Variants in ZNF746 observed in about 807,000 individuals in gnomAD.
ZNF746 encodes zinc finger protein 746.
ZNF746 carries 13 observed loss-of-function variants against 41.0 expected under a neutral mutation model. The observed-to-expected ratio is 0.32, with a 90% confidence interval of 0.21 to 0.50. The LOEUF (loss-of-function observed/expected upper bound fraction) is 0.50. Ranked by LOEUF, ZNF746 falls within the 20% of genes least tolerant of loss-of-function variation. The pLI is 0.98. For missense variants in ZNF746, 811 were observed against 922.9 expected, an observed-to-expected ratio of 0.88 and a Z score of 1.57; for synonymous variants, 424 against 396.2, an observed-to-expected ratio of 1.07 and a Z score of -0.83.
In ZNF746 at chr7:149,475,086, G is replaced by A. The variant is rs147219120; in HGVS notation, c.1281C>T (p.Ile427=). The change falls in exon 7 of 7, where the codon ATC becomes ATT. Residue 427 remains isoleucine (I), a synonymous_variant. Coordinates refer to ENST00000458143, the MANE Select transcript of ZNF746 (RefSeq NM_001394198.1). ...PYSSPDNGEA[I]LDPSQAPRPF... ...GCCTTGGGGCCTGGCTGGGGTCCAA[G>A]ATGGCCTCTCCGTTGTCCGGGGAGG... The A allele has an allele frequency of 1.9e-4, 302 of 1,602,438 alleles. No individual in the cohort carries two copies. In the East Asian group the frequency reaches 6.6e-3, roughly 35 times the overall value.
At chr7:149,496,004 T>C (rs1308422500) in intron 1 of ZNF746, among the ~76,000 whole-genome samples, 2 of 152,122 alleles carry the variant, frequency 1.3e-5, no homozygotes, top group Admixed American at 1.3e-4. Context: ...CTAAGGCCAC[T>C]GTTCCTTCCC....
At position 149,474,017 on chromosome 7, in the gene ZNF746, G is replaced by T. The variant is rs1324377303; in HGVS notation, c.*367C>A. On this transcript the variant is annotated 3_prime_UTR_variant, in exon 7 of 7. Coordinates refer to ENST00000458143, the MANE Select transcript of ZNF746 (RefSeq NM_001394198.1). The surrounding 1 kb of genome is among the most constrained non-coding windows in gnomAD (Gnocchi z 6.3). ...ACCTTCCAACACACTATCAGACTCA[G>T]TGAGATAGTGACAGAAATGCACGCC... The T allele has an allele frequency of 6.3e-6, 2 of 317,728 alleles. No homozygotes were observed. The highest frequency in any genetic ancestry group is 4.4e-5 in the African/African-American group (2 of 45,074). 19.7% of individuals were successfully genotyped at this position (317,728 alleles called of 1,614,324 possible).
chr7:149,477,535 T>C lies in ZNF746; in HGVS notation c.757+29A>G, dbSNP rs373022371. ...TCCCTCCTGTGATCCCTGCAACTTG[T>C]TCCTTATGTCCCCGTCTCAGCCACT... On this transcript the variant is annotated intron_variant, in intron 5 of 6. Transcript: ENST00000458143. The C allele has an allele frequency of 7.0e-6, 11 of 1,569,640 alleles. No homozygotes were observed. In the African/African-American group the frequency reaches 1.5e-4, roughly 21 times the overall value.
chr7:149,494,419 C>T lies in ZNF746; in HGVS notation c.109G>A (p.Gly37Ser). ...SQAARLLSLE[G>S]RTGMAEKKLA... ...TTCTTCTCGGCCATCCCGGTTCGAC[C>T]TTCTAGGGAAAGCAGGCGAGCAGCC... The change falls in exon 2 of 7, where the codon GGT becomes AGT. Residue 37 changes from glycine (G) to serine (S), a missense_variant. By Grantham distance (56) the Gly-to-Ser change is moderately conservative. Around this residue, in one of 4 missense-constraint regions of ZNF746, gnomAD observed 147 missense variants for 233.4 expected, o/e 0.63. Coordinates refer to ENST00000458143, the MANE Select transcript of ZNF746 (RefSeq NM_001394198.1). The surrounding 1 kb of genome is among the most constrained non-coding windows in gnomAD (Gnocchi z 5.6). 4.3e-6 allele frequency: 7 copies of T among 1,614,012 alleles called. No homozygotes were observed. Among genetic ancestry groups the T allele is most frequent in the Non-Finnish European group, 5.9e-6 (7 of 1,179,886 alleles).
chr7:149,486,897 T>C (rs1307137462), intron 4 of ZNF746, among the ~76,000 whole-genome samples: 2 of 152,226 alleles, frequency 1.3e-5, no homozygotes, highest in Non-Finnish European at 2.9e-5. Context: ...TGTATTTTGT[T>C]TGTTATGTAT....
intron 3 of ZNF746, among the ~76,000 whole-genome samples, chr7:149,493,738 C>G (rs1004990138): frequency 1.3e-5 from 2 of 152,170 alleles, no homozygotes; most frequent in African/African-American, 4.8e-5. Flanking sequence ...CAGAAAGGTC[C>G]ACATCCCGGG....
chr7:149,495,774 C>G (rs1800976585), intron 1 of ZNF746, among the ~76,000 whole-genome samples: 1 of 152,202 alleles, frequency 6.6e-6, no homozygotes, highest in Non-Finnish European at 1.5e-5. Context: ...GAGAAACAAA[C>G]TTGTCTAGGA....
chr7:149,475,357 G>T lies in ZNF746; in HGVS notation c.1010C>A (p.Pro337His), dbSNP rs773555403. The T allele has an allele frequency of 1.4e-5, 22 of 1,614,182 alleles. No individual in the cohort carries two copies. The highest frequency in any genetic ancestry group is 4.5e-5 in the East Asian group (2 of 44,868). The change falls in exon 7 of 7, where the codon CCT (proline) becomes CAT (histidine). Residue 337 changes from proline (P) to histidine (H), a missense_variant. By Grantham distance (77) the Pro-to-His change is moderately conservative. Around this residue, in one of 4 missense-constraint regions of ZNF746, gnomAD observed 495 missense variants for 481.6 expected, o/e 1.03. Transcript: ENST00000458143. ...FGPGQATRFF[P>H]SPAQEGAWES... ...CCAGGCTCCTTCCTGGGCAGGACTA[G>T]GGAAGAACCGTGTGGCTTGGCCTGG...
intron 4 of ZNF746, among the ~76,000 whole-genome samples, chr7:149,482,082 T>C (rs1459218341): frequency 6.6e-6 from 1 of 152,278 alleles, no homozygotes; most frequent in African/African-American, 2.4e-5. Context: ...ATTTTATACA[T>C]GCATATTTTG....
rs1454448514 is a variant in ZNF746, at chr7:149,492,849, C to T, written c.565+10G>A. On this transcript the variant is annotated intron_variant, in intron 4 of 6. Transcript: ENST00000458143. ...ACCTGATGCCTCCCTGGCCTTCTCCCAGCCCTTACCTGGACTGGGGTCCAC... is the reference window on the plus strand; with the variant it reads ...ACCTGATGCCTCCCTGGCCTTCTCCTAGCCCTTACCTGGACTGGGGTCCAC... 8 of 1,607,572 alleles carry T rather than the reference C, an allele frequency of 5.0e-6. No individual in the cohort carries two copies. Among genetic ancestry groups the T allele is most frequent in the African/African-American group, 4.0e-5 (3 of 74,934 alleles).
chr7:149,476,413 T>C (rs1800304949), intron 6 of ZNF746, among the ~76,000 whole-genome samples: 1 of 151,676 alleles, frequency 6.6e-6, no homozygotes, highest in Non-Finnish European at 1.5e-5. Flanking sequence ...GGATCTTGGC[T>C]ATTAGCACGT....
chr7:149,475,138 C>A lies in ZNF746; in HGVS notation c.1229G>T (p.Arg410Met). The change falls in exon 7 of 7, where the codon AGG (arginine) becomes ATG (methionine). Residue 410 changes from arginine (R) to methionine (M), a missense_variant. By Grantham distance (91) the Arg-to-Met change is moderately conservative. Coordinates refer to ENST00000458143, the MANE Select transcript of ZNF746 (RefSeq NM_001394198.1). The part of the protein sequence containing the change: ...RCKPPVGLNP[R>M]TGPEGLPYSS... Reference sequence around the variant, plus strand: ...GTAAGGAAGCCCCTCGGGCCCCGTCCTCGGGTTCAGGCCCACTGGCGGTTT... The same window carrying A: ...GTAAGGAAGCCCCTCGGGCCCCGTCATCGGGTTCAGGCCCACTGGCGGTTT... 6.2e-7 allele frequency: 1 copy of A among 1,612,620 alleles called. No individual in the cohort carries two copies. The highest frequency in any genetic ancestry group is 1.1e-5 in the South Asian group (1 of 90,986).
Position 149,497,388 on chromosome 7 carries a change from C to A in ZNF746, c.24+125G>T. On this transcript the variant is annotated intron_variant, in intron 1 of 6. Coordinates refer to ENST00000458143, the MANE Select transcript of ZNF746 (RefSeq NM_001394198.1). This position sits in a 1 kb window ranked among gnomAD's most constrained non-coding sequence, Gnocchi z 4.2. ...GGACCCCGCGCCCCATTCGCGGGAG[C>A]CCCAGGCCCGGTGGTCCGGCCCGGA... The A allele has an allele frequency of 1.0e-6, 1 of 999,954 alleles. No homozygotes were observed. Among genetic ancestry groups the A allele is most frequent in the Non-Finnish European group, 1.2e-6 (1 of 834,592 alleles). The allele number at this position is 999,954 out of a possible 1,614,324, so 61.9% of individuals were successfully genotyped here. A position where few individuals can be genotyped will look rare whatever the true frequency, so the allele number is the denominator to read the frequency against.
At position 149,480,447 on chromosome 7, in the gene ZNF746, G is replaced by C. The variant is rs12539443; in HGVS notation, c.566-2692C>G. Reference sequence around the variant, plus strand: ...GTTTTGTTTGTTTGTTTGTTTGTTTGTTTGAGATGGAGTCTCGCTCTGTTG... The same window carrying C: ...GTTTTGTTTGTTTGTTTGTTTGTTTCTTTGAGATGGAGTCTCGCTCTGTTG... On this transcript the variant is annotated intron_variant, in intron 4 of 6. Transcript: ENST00000458143. 6.6e-5 allele frequency among the ~76,000 whole-genome samples: 10 copies of C among 151,912 alleles called. No homozygotes were observed. The South Asian group carries it at 1.5e-3, about 22-fold the overall frequency.
chr7:149,474,819 A>C lies in ZNF746; in HGVS notation c.1548T>G (p.Gly516=), dbSNP rs1046150583. The C allele has an allele frequency of 6.3e-6, 9 of 1,439,218 alleles. No homozygotes were observed. Among genetic ancestry groups the C allele is most frequent in the South Asian group, 1.4e-5 (1 of 69,996 alleles). The allele number at this position is 1,439,218 out of a possible 1,614,324, so 89.2% of individuals were successfully genotyped here. ...SGSGGGGGGS[G]GGSARDGSAL... ...CGCTGCCATCCCGTGCGCTGCCCCC[A>C]CCGCTGCCGCCACCGCCGCCGCCAC... is the stretch of plus-strand genomic sequence containing the variant. Residue 516 remains glycine (G), a synonymous_variant, in exon 7 of 7, where the codon GGT becomes GGG. Coordinates refer to ENST00000458143, the MANE Select transcript of ZNF746 (RefSeq NM_001394198.1). This position sits in a 1 kb window ranked among gnomAD's most constrained non-coding sequence, Gnocchi z 6.3.
At chr7:149,495,273 C>T (rs938006601) in intron 1 of ZNF746, among the ~76,000 whole-genome samples, 16 of 152,134 alleles carry the variant, frequency 1.1e-4, no homozygotes, top group African/African-American at 3.6e-4. Flanking sequence ...ATTCCCACCC[C>T]CTCAAGGTAA....
chr7:149,483,634 G>A (rs1800543989), intron 4 of ZNF746, among the ~76,000 whole-genome samples: 1 of 151,186 alleles, frequency 6.6e-6, no homozygotes, highest in Admixed American at 6.6e-5. Context: ...CAAAAACACA[G>A]GTCAAAAATT....
At chr7:149,487,591 A>G (rs1800666304) in intron 4 of ZNF746, 1 of 152,252 alleles carries the variant, frequency 6.6e-6, no homozygotes, top group African/African-American at 2.4e-5. Context: ...TAAAAAATCC[A>G]AGAGAATATA....
Position 149,474,953 on chromosome 7 carries a change from C to T in ZNF746, c.1414G>A (p.Ala472Thr), listed in dbSNP as rs1478646729. The T allele has an allele frequency of 4.5e-6, 7 of 1,545,722 alleles. No homozygotes were observed. Among genetic ancestry groups the T allele is most frequent in the East Asian group, 2.4e-5 (1 of 40,822 alleles). ...AGCTGGAAGCTCTTCCCACACGTGG[C>T]GCAGGTGAAGGGCCGGCCCCCGGGG... ...APPGGRPFTC[A>T]TCGKSFQLQV... The change falls in exon 7 of 7, where the codon GCC (alanine) becomes ACC (threonine). Residue 472 changes from alanine (A) to threonine (T), a missense_variant. Physicochemically the swap from Ala to Thr is moderately conservative, Grantham distance 58 (BLOSUM62 0). Transcript: ENST00000458143. The surrounding 1 kb of genome is among the most constrained non-coding windows in gnomAD (Gnocchi z 6.3).
Sources: gnomAD v4.1 joint callset for allele counts (sites outside exome capture counted in the v4.1 genomes callset) on GRCh38, gnomAD v4.1.1 for gene constraint, gnomAD v4.1.1 regional missense constraint, Gnocchi (gnomAD v3.1) non-coding constraint, MANE v1.5 for transcripts, NCBI Gene and HGNC (gene_info 2026-07-23, HGNC 2026-07-21) for gene names.